Variants in CAPN3 observed in about 807,000 individuals in gnomAD.
The protein encoded by CAPN3 is calpain 3.
Under a neutral mutation model 114.0 loss-of-function variants are expected in CAPN3, and 88 were observed. That is an observed-to-expected ratio of 0.77 (90% CI 0.65 to 0.92). The LOEUF (loss-of-function observed/expected upper bound fraction) is 0.92. Ranked by LOEUF, CAPN3 falls within the 40% of genes least tolerant of loss-of-function variation. The pLI is 0.00. For missense variants in CAPN3, 1,028 were observed against 1,069.0 expected (o/e 0.96, Z 0.53); for synonymous variants, 386 against 382.9 (o/e 1.01, Z -0.09).
intron 17 of CAPN3, 123 bp from the exon 18 acceptor site, chr15:42,409,664 C>T: frequency 1.0e-6 from 1 of 966,782 alleles, no homozygotes; most frequent in Non-Finnish European, 1.7e-6. Flanking sequence ...CCCAGCTTCC[C>T]ATGACATAAT....
rs886042479 is a variant in CAPN3 at position 42,408,334 on chromosome 15, C to T, written c.1914+10C>T. On this transcript the variant is annotated intron_variant, in intron 16 of 23. Transcript: ENST00000397163. Reference sequence around the variant, plus strand: ...AAAGCAGTCCCCACAGGTGTCTGGGCATGTGGCATGGGTGGGGTGGCCAGC... The same window carrying T: ...AAAGCAGTCCCCACAGGTGTCTGGGTATGTGGCATGGGTGGGGTGGCCAGC... The T allele has an allele frequency of 6.3e-7, 1 of 1,577,060 alleles. No individual in the cohort carries two copies. Among genetic ancestry groups the T allele is most frequent in the Non-Finnish European group, 8.7e-7 (1 of 1,146,518 alleles).
intron 17 of CAPN3, 151 bp from the exon 18 acceptor site, chr15:42,409,636 T>C (rs1022821031): frequency 4.1e-5 from 36 of 872,862 alleles, no homozygotes; most frequent in Middle Eastern, 3.1e-4. Flanking sequence ...TCTGGCCCCC[T>C]GTCTTCCTCA....
At chr15:42,373,188 A>G (rs953800914) in intron 1 of CAPN3, among the ~76,000 whole-genome samples, 1 of 152,122 alleles carries the variant, frequency 6.6e-6, no homozygotes, top group Non-Finnish European at 1.5e-5. Flanking sequence ...GCAAGACCCT[A>G]TCTCAAAAAT....
chr15:42,398,337 C>A (rs1460934152), intron 9 of CAPN3, among the ~76,000 whole-genome samples: 1 of 152,076 alleles, frequency 6.6e-6, no homozygotes, highest in Non-Finnish European at 1.5e-5. Flanking sequence ...GTAATCCCAG[C>A]ACCTTGGGAG....
intron 1 of CAPN3, among the ~76,000 whole-genome samples, chr15:42,360,707 T>C (rs1411557705): frequency 6.6e-6 from 1 of 152,034 alleles, no homozygotes; most frequent in African/African-American, 2.4e-5. Context: ...ACCTCATAAG[T>C]GAGGAGTCAA....
At chr15:42,383,428 A>G (rs1175108069) in intron 1 of CAPN3, among the ~76,000 whole-genome samples, 4 of 152,102 alleles carry the variant, frequency 2.6e-5, no homozygotes, top group South Asian at 2.1e-4. Flanking sequence ...ATCTCTCTCT[A>G]CTAAGAATAT....
At chr15:42,380,753 T>TA (rs1566972340) in intron 1 of CAPN3, among the ~76,000 whole-genome samples, 846 of 43,924 alleles carry the variant, frequency 0.019, no homozygotes, top group African/African-American at 0.035. Flanking sequence ...ATATATATAT[T>TA]TTTTTTTTTT....
chr15:42,385,686 C>T (rs750445692), intron 2 of CAPN3: 2 of 520,272 alleles, frequency 3.8e-6, no homozygotes, highest in South Asian at 2.8e-5. Context: ...TAGACGGGTT[C>T]CAGGGCAGCT....
chr15:42,388,035 G>A lies in CAPN3; in HGVS notation c.632+149G>A, dbSNP rs762672140. 408 of 870,640 alleles carry A rather than the reference G, an allele frequency of 4.7e-4. 2 individuals are homozygous for A. The highest frequency in any genetic ancestry group is 5.6e-4 in the Non-Finnish European group (295 of 524,232). 53.9% of individuals were successfully genotyped at this position (870,640 alleles called of 1,614,324 possible). Reference sequence around the variant, plus strand: ...AGTCCAACTGTGACCCAAAGTTAGAGATCAGTTCCAGGCAACAACAGCTCT... The same window carrying A: ...AGTCCAACTGTGACCCAAAGTTAGAAATCAGTTCCAGGCAACAACAGCTCT... On this transcript the variant is annotated intron_variant, in intron 4 of 23. Transcript: ENST00000397163.
In CAPN3 at chr15:42,401,497, G is replaced by C; in HGVS notation, c.1355-144G>C. The C allele has an allele frequency of 1.1e-5, 3 of 280,908 alleles. No homozygotes were observed. The South Asian group carries it at 1.1e-4, about 10-fold the overall frequency. 17.4% of individuals were successfully genotyped at this position (280,908 alleles called of 1,614,324 possible). A position where few individuals can be genotyped will look rare whatever the true frequency, so the allele number is the denominator to read the frequency against. Reference sequence around the variant, plus strand: ...CGCCCCCCCCCCCCCCAAATCATTAGAGAAATGCCTGAATCGTGTTTTCTG... The same window carrying C: ...CGCCCCCCCCCCCCCCAAATCATTACAGAAATGCCTGAATCGTGTTTTCTG... On this transcript the variant is annotated intron_variant, in intron 10 of 23. Transcript: ENST00000397163.
chr15:42,374,478 C>T (rs1249298349), intron 1 of CAPN3: 1 of 152,166 alleles, frequency 6.6e-6, no homozygotes, highest in African/African-American at 2.4e-5. Context: ...CCTGGCCTCC[C>T]ATGAGCTGAG....
intron 15 of CAPN3, among the ~76,000 whole-genome samples, chr15:42,407,037 C>T (rs2054044073): frequency 6.6e-6 from 1 of 152,104 alleles, no homozygotes; most frequent in South Asian, 2.1e-4. Flanking sequence ...CTCTGCCTGC[C>T]CAGTTGTTCT....
At chr15:42,369,333 G>A (rs1452047802) in intron 1 of CAPN3, among the ~76,000 whole-genome samples, 1 of 152,066 alleles carries the variant, frequency 6.6e-6, no homozygotes, top group African/African-American at 2.4e-5. Flanking sequence ...TGATCAAGGG[G>A]CACTTTAAAA....
At chr15:42,408,577 C>A in intron 16 of CAPN3, 1 of 470,396 alleles carries the variant, frequency 2.1e-6, no homozygotes, top group Non-Finnish European at 4.0e-6. Context: ...CTGATCCAGC[C>A]AGGATACAGA....
chr15:42,409,883 G>GCC, intron 18 of CAPN3, 39 bp downstream of exon 18: 2 of 559,672 alleles, frequency 3.6e-6, no homozygotes, highest in Non-Finnish European at 7.1e-6. Flanking sequence ...GGTGGGTGGG[G>GCC]AGTCCCGTTG....
intron 9 of CAPN3, among the ~76,000 whole-genome samples, chr15:42,398,318 C>T (rs983325876): frequency 1.3e-5 from 2 of 151,962 alleles, no homozygotes; most frequent in Non-Finnish European, 1.5e-5. Context: ...GGCGTGGTGG[C>T]TTATGCCTGT....
intron 1 of CAPN3, among the ~76,000 whole-genome samples, chr15:42,363,263 T>A (rs1489135559): frequency 6.6e-6 from 1 of 152,160 alleles, no homozygotes; most frequent in Admixed American, 6.5e-5. Flanking sequence ...CCTTATATGA[T>A]CTATTTCTAG....
intron 1 of CAPN3, among the ~76,000 whole-genome samples, chr15:42,383,033 A>G (rs563294858): frequency 6.6e-6 from 1 of 152,302 alleles, no homozygotes; most frequent in East Asian, 1.9e-4. Flanking sequence ...CTCCCCATAT[A>G]GGTAAACGTT....
intron 17 of CAPN3, 47 bp from the exon 18 acceptor site, chr15:42,409,740 A>G: frequency 6.5e-7 from 1 of 1,540,284 alleles, no homozygotes. Context: ...CCGCGCCAGG[A>G]GCTGCTGTAC....
Sources: allele counts gnomAD v4.1 joint callset (sites outside exome capture counted in the v4.1 genomes callset), GRCh38; gene constraint gnomAD v4.1.1; transcripts MANE v1.5; gene names NCBI Gene and HGNC (gene_info 2026-07-23, HGNC 2026-07-21).